FBXL13: variants seen among roughly 807,000 people sequenced by gnomAD.
FBXL13 encodes the protein F-box and leucine-rich repeat protein 13.
Under a neutral mutation model 83.6 loss-of-function variants are expected in FBXL13, and 67 were observed. That is an observed-to-expected ratio of 0.80 (90% CI 0.66 to 0.98). FBXL13 has a LOEUF of 0.98. FBXL13 is among the 50% of genes least tolerant of loss of function. FBXL13 has a pLI of 0.00. For missense variants in FBXL13, 822 were observed against 866.5 expected (o/e 0.95, Z 0.64); for synonymous variants, 272 against 299.5 (o/e 0.91, Z 0.95).
chr7:103,032,831 A>G (rs1794645164), intron 2 of FBXL13, among the ~76,000 whole-genome samples: 1 of 152,212 alleles, frequency 6.6e-6, no homozygotes, highest in Admixed American at 6.5e-5. Flanking sequence ...CGACTTAAAG[A>G]GTAGCCTCGG....
intron 8 of FBXL13, among the ~76,000 whole-genome samples, chr7:102,940,186 G>T (rs1186844223): frequency 6.6e-6 from 1 of 150,888 alleles, no homozygotes; most frequent in Non-Finnish European, 1.5e-5. Context: ...GAGCCACCGC[G>T]CCTGGCCAAA....
chr7:103,027,609 C>A, intron 4 of FBXL13, 51 bp from the exon 6 acceptor site: 1 of 1,177,910 alleles, frequency 8.5e-7, no homozygotes, highest in Non-Finnish European at 1.2e-6. Context: ...ATAGCTGTTT[C>A]CAAAAAACAC....
intron 6 of FBXL13, among the ~76,000 whole-genome samples, chr7:103,015,660 G>C (rs751622555): frequency 1.3e-5 from 2 of 152,092 alleles, no homozygotes; most frequent in Non-Finnish European, 1.5e-5. Context: ...AGCTGGGTTT[G>C]GTGGCCCATG....
At chr7:102,851,437 T>TCCC (rs1554416343) in intron 17 of FBXL13, among the ~76,000 whole-genome samples, 58 of 144,086 alleles carry the variant, frequency 4.0e-4, no homozygotes, top group African/African-American at 1.4e-3. Context: ...TCTCTCTTTC[T>TCCC]TCCCTCCTTC....
intron 17 of FBXL13, among the ~76,000 whole-genome samples, chr7:102,847,680 C>G (rs936966287): frequency 6.6e-6 from 1 of 151,988 alleles, no homozygotes; most frequent in Non-Finnish European, 1.5e-5. Context: ...GTGTGCGCCA[C>G]TATGCCTGGC....
At chr7:103,047,792 T>A (rs992640646) in intron 2 of FBXL13, among the ~76,000 whole-genome samples, 3 of 152,190 alleles carry the variant, frequency 2.0e-5, no homozygotes, top group African/African-American at 7.2e-5. Context: ...CCTCCTGGGT[T>A]CAAGTGATTC....
chr7:103,048,803 T>C (rs1200636790), intron 2 of FBXL13, among the ~76,000 whole-genome samples: 3 of 152,158 alleles, frequency 2.0e-5, no homozygotes, highest in Admixed American at 6.6e-5. Flanking sequence ...TTCAAACCTT[T>C]AGCTTTATTC....
At chr7:103,019,195 A>G (rs1487553423) in intron 6 of FBXL13, among the ~76,000 whole-genome samples, 4 of 152,222 alleles carry the variant, frequency 2.6e-5, no homozygotes, top group Non-Finnish European at 5.9e-5. Context: ...AACTACATGG[A>G]AACTGAATAA....
chr7:102,999,602 G>A (rs1790180000), intron 6 of FBXL13, among the ~76,000 whole-genome samples: 1 of 152,136 alleles, frequency 6.6e-6, no homozygotes, highest in Non-Finnish European at 1.5e-5. Context: ...CTTGCTATGG[G>A]TGTATTTGGG....
chr7:102,927,144 T>C (rs1256827953), intron 9 of FBXL13, among the ~76,000 whole-genome samples: 2 of 152,198 alleles, frequency 1.3e-5, no homozygotes, highest in Admixed American at 1.3e-4. Context: ...CCAGATGAAT[T>C]GCAAGCTTTG....
intron 8 of FBXL13, among the ~76,000 whole-genome samples, chr7:102,959,057 G>A (rs1031670365): frequency 3.9e-5 from 6 of 152,004 alleles, no homozygotes; most frequent in Admixed American, 6.6e-5. Context: ...AAAGATATAG[G>A]AATAGGCATG....
Position 102,879,631 on chromosome 7 carries a change from G to C in FBXL13, c.1389-1181C>G, listed in dbSNP as rs1316172291. Among the ~76,000 whole-genome samples the C allele has an allele frequency of 5.3e-5, 8 of 152,254 alleles. No homozygotes were observed. In the East Asian group the frequency reaches 1.5e-3, roughly 29 times the overall value. ...TGTTTGTTTGTTTTTTAATACACAA[G>C]CTGGGGTTTCATCCCTAAAGATTCA... On this transcript the variant is annotated intron_variant, in intron 14 of 19. Coordinates refer to ENST00000313221, the Ensembl canonical transcript of FBXL13.
At chr7:102,815,683 C>T (rs775164592) in intron 19 of FBXL13, among the ~76,000 whole-genome samples, 1 of 152,048 alleles carries the variant, frequency 6.6e-6, no homozygotes, top group Non-Finnish European at 1.5e-5. Flanking sequence ...AAAAGATTTG[C>T]AAATCCTCAT....
chr7:102,980,538 G>A (rs1444044348), intron 6 of FBXL13, among the ~76,000 whole-genome samples: 11 of 152,290 alleles, frequency 7.2e-5, no homozygotes, highest in South Asian at 4.1e-4. Context: ...AGCACTTTGC[G>A]AGGCTGAGGC....
intron 10 of FBXL13, among the ~76,000 whole-genome samples, chr7:102,920,559 C>T (rs895040947): frequency 6.6e-6 from 1 of 152,044 alleles, no homozygotes; most frequent in Non-Finnish European, 1.5e-5. Flanking sequence ...CCATGTTGCC[C>T]AGGCTGGTCT....
intron 1 of FBXL13, among the ~76,000 whole-genome samples, chr7:103,073,190 C>A (rs534418503): frequency 6.6e-6 from 1 of 152,304 alleles, no homozygotes; most frequent in African/African-American, 2.4e-5. Flanking sequence ...TCTATGCATG[C>A]ACTATTGTCT....
At chr7:102,983,711 G>A (rs376401056) in intron 6 of FBXL13, among the ~76,000 whole-genome samples, 3 of 151,904 alleles carry the variant, frequency 2.0e-5, no homozygotes, top group Admixed American at 6.6e-5. Flanking sequence ...ATGAGCCACC[G>A]CACCCAGCAA....
rs555617472 is a variant in FBXL13, at chr7:102,921,941, A to G, written c.878+4333T>C. Among the ~76,000 whole-genome samples, 37 of 152,272 alleles carry G rather than the reference A, an allele frequency of 2.4e-4. No individual in the cohort carries two copies. The South Asian group carries it at 7.0e-3, about 29-fold the overall frequency. On this transcript the variant is annotated intron_variant, in intron 10 of 19. Coordinates refer to ENST00000313221, the Ensembl canonical transcript of FBXL13. ...CATGGTGGCTCACGCCTGTAATCCC[A>G]GCACTTTGGGAGGCCAAGGTGGGTG... is the stretch of plus-strand genomic sequence containing the variant.
intron 4 of FBXL13, 24 bp from the exon 6 acceptor site, chr7:103,027,582 T>C: frequency 6.9e-7 from 1 of 1,445,070 alleles, no homozygotes; most frequent in Non-Finnish European, 9.7e-7. Context: ...ACTAGATTAC[T>C]GTATATATTA....
Sources: allele counts gnomAD v4.1 joint callset (sites outside exome capture counted in the v4.1 genomes callset), GRCh38; gene constraint gnomAD v4.1.1; transcripts MANE v1.5; gene names NCBI Gene and HGNC (gene_info 2026-07-23, HGNC 2026-07-21).